The following LINGO2 variants were observed in gnomAD, a reference collection of about 807,000 sequenced individuals.
LINGO2 encodes the protein leucine rich repeat and Ig domain containing 2.
Under a neutral mutation model 30.6 loss-of-function variants are expected in LINGO2, and 14 were observed. The observed-to-expected ratio is 0.46, with a 90% CI of 0.30 to 0.72. The LOEUF is 0.72. LINGO2 is among the 30% of genes least tolerant of loss of function. LINGO2 has a pLI of 0.07. For synonymous variants in LINGO2, 317 were observed against 288.5 expected (o/e 1.10, Z -1.00); for missense variants, 729 against 751.7 (o/e 0.97, Z 0.35).
chr9:28,651,184 A>C (rs1246156317), intron 1 of LINGO2, among the ~76,000 whole-genome samples: 3 of 73,618 alleles, frequency 4.1e-5, no homozygotes, highest in Admixed American at 3.9e-4. Context: ...CTCAGTCTCA[A>C]AAAAAAAAAA....
chr9:28,537,482 G>A lies in LINGO2; in HGVS notation c.-364-61457C>T, dbSNP rs150032174. ...AAAAATAGTCATGGACTTTGACTGT[G>A]GTAAACAAGGTTGCTAAAAACAACT... On this transcript the variant is annotated intron_variant, in intron 1 of 5. Transcript: ENST00000379992. Among the ~76,000 whole-genome samples the A allele has an allele frequency of 3.1e-3, 475 of 151,972 alleles. 1 individual carries two copies. The highest frequency in any genetic ancestry group is 0.011 in the African/African-American group (458 of 41,460).
intron 2 of LINGO2, among the ~76,000 whole-genome samples, chr9:28,387,738 A>G (rs1302420710): frequency 6.6e-6 from 1 of 152,028 alleles, no homozygotes; most frequent in African/African-American, 2.4e-5. Context: ...GCAAGACTAC[A>G]AACCCACTGG....
intron 1 of LINGO2, among the ~76,000 whole-genome samples, chr9:28,669,138 C>T (rs1004691668): frequency 2.6e-5 from 4 of 151,654 alleles, no homozygotes; most frequent in African/African-American, 9.7e-5. Flanking sequence ...TCTTTGAACC[C>T]CAAGATCCCA....
the LINGO2 span, among the ~76,000 whole-genome samples, chr9:29,062,815 T>TAC: frequency 6.6e-6 from 1 of 152,194 alleles, no homozygotes; most frequent in Admixed American, 6.5e-5. Context: ...TAAGCATGAT[T>TAC]ACATATGTCA....
At chr9:28,102,172 G>T (rs1218126195) in intron 4 of LINGO2, among the ~76,000 whole-genome samples, 1 of 119,348 alleles carries the variant, frequency 8.4e-6, no homozygotes, top group South Asian at 2.6e-4. Context: ...CCTGGGAAAG[G>T]CTGTATTTTT....
intron 4 of LINGO2, among the ~76,000 whole-genome samples, chr9:28,188,491 G>C (rs35865068): frequency 1.3e-5 from 2 of 151,742 alleles, no homozygotes; most frequent in Non-Finnish European, 2.9e-5. Context: ...ATGGGAAGAC[G>C]CCTGAGATGA....
At chr9:28,684,134 T>C in the LINGO2 span, among the ~76,000 whole-genome samples, 1 of 147,106 alleles carries the variant, frequency 6.8e-6, no homozygotes, top group Non-Finnish European at 1.5e-5. Flanking sequence ...ATCAATAAAT[T>C]AAAAATATTT....
chr9:28,388,268 G>T (rs375191501), intron 2 of LINGO2, among the ~76,000 whole-genome samples: 1 of 152,184 alleles, frequency 6.6e-6, no homozygotes, highest in African/African-American at 2.4e-5. Flanking sequence ...AATGTATAGA[G>T]TATCCCATTA....
At chr9:29,154,429 G>A in the LINGO2 span, among the ~76,000 whole-genome samples, 52 of 133,644 alleles carry the variant, frequency 3.9e-4, 1 homozygote, top group African/African-American at 1.2e-3. Flanking sequence ...CAGCCTGGGC[G>A]ACAGAGTGCG....
chr9:28,222,203 C>G (rs139134539), intron 4 of LINGO2, among the ~76,000 whole-genome samples: 237 of 152,220 alleles, frequency 1.6e-3, no homozygotes, highest in African/African-American at 5.3e-3. Flanking sequence ...TTCAGTAATT[C>G]TGAATTCAAC....
At chr9:28,077,325 G>A (rs553657358) in intron 4 of LINGO2, among the ~76,000 whole-genome samples, 12 of 152,222 alleles carry the variant, frequency 7.9e-5, no homozygotes, top group Middle Eastern at 6.8e-3. Flanking sequence ...TTATTTCCCA[G>A]AAAATCATGA....
exon 4 of LINGO2, chr9:28,295,257 C>A (rs1823881255): frequency 6.6e-6 from 1 of 152,604 alleles, no homozygotes; most frequent in Non-Finnish European, 1.5e-5. Context: ...CCACACAAAG[C>A]TCTTGGCCAC....
At chr9:29,121,689 A>G in the LINGO2 span, among the ~76,000 whole-genome samples, 1 of 152,094 alleles carries the variant, frequency 6.6e-6, no homozygotes, top group Non-Finnish European at 1.5e-5. Flanking sequence ...ATGATCAACA[A>G]CAAAAGGAAA....
chr9:28,721,508 AG>A, the LINGO2 span, among the ~76,000 whole-genome samples: 1 of 152,294 alleles, frequency 6.6e-6, no homozygotes, highest in Non-Finnish European at 1.5e-5. Context: ...TGTCCTTTGC[AG>A]GAACATGGAT....
At chr9:28,593,124 C>T (rs1825003503) in intron 1 of LINGO2, among the ~76,000 whole-genome samples, 1 of 151,960 alleles carries the variant, frequency 6.6e-6, no homozygotes, top group Admixed American at 6.6e-5. Context: ...ATCAAGAATT[C>T]AACAAATCAA....
chr9:28,657,932 T>C (rs975803009), intron 1 of LINGO2, among the ~76,000 whole-genome samples: 8 of 151,998 alleles, frequency 5.3e-5, no homozygotes, highest in Non-Finnish European at 1.2e-4. Context: ...CCACAAGTTG[T>C]TATCTAATGC....
intron 4 of LINGO2, among the ~76,000 whole-genome samples, chr9:28,176,567 T>C (rs1057257656): frequency 5.3e-5 from 8 of 152,190 alleles, no homozygotes; most frequent in Non-Finnish European, 1.0e-4. Context: ...TTTAATACAA[T>C]ATCTGACATT....
the LINGO2 span, among the ~76,000 whole-genome samples, chr9:29,164,868 A>G: frequency 6.6e-6 from 1 of 152,152 alleles, no homozygotes. Context: ...TAACTCATTT[A>G]TTCACTGATC....
intron 4 of LINGO2, among the ~76,000 whole-genome samples, chr9:28,133,813 A>C (rs1325051830): frequency 6.6e-6 from 1 of 151,962 alleles, no homozygotes; most frequent in Non-Finnish European, 1.5e-5. Flanking sequence ...ATTTTCATTA[A>C]ACTCTCTCCA....
Sources: allele counts gnomAD v4.1 joint callset (sites outside exome capture counted in the v4.1 genomes callset), GRCh38; gene constraint gnomAD v4.1.1; transcripts MANE v1.5; gene names NCBI Gene and HGNC (gene_info 2026-07-23, HGNC 2026-07-21).